Variants in PRKN observed in about 807,000 individuals in gnomAD.
PRKN encodes parkin RBR E3 ubiquitin protein ligase, also known as E3 ubiquitin-protein ligase parkin.
Under a neutral mutation model 59.5 loss-of-function variants are expected in PRKN, and 56 were observed. The ratio of observed to expected loss-of-function variants is 0.94; its 90% CI spans 0.76 to 1.18. The LOEUF (loss-of-function observed/expected upper bound fraction) is 1.18. PRKN is among the 50% of genes most tolerant of loss of function. PRKN has a pLI of 0.00. For missense variants in PRKN, 657 were observed against 596.4 expected, an observed-to-expected ratio of 1.10 and a Z score of -1.06; for synonymous variants, 250 against 222.1, an observed-to-expected ratio of 1.13 and a Z score of -1.12.
At chr6:162,142,720 G>T (rs1252187411) in intron 4 of PRKN, among the ~76,000 whole-genome samples, 2 of 152,128 alleles carry the variant, frequency 1.3e-5, no homozygotes, top group African/African-American at 4.8e-5. Context: ...CTTTAGTGAA[G>T]AAACAGCTAA....
rs1427226369 is a variant in PRKN, at chr6:161,402,133, A to G, written c.1084-15256T>C. Among the ~76,000 whole-genome samples the G allele has an allele frequency of 1.3e-5, 2 of 152,062 alleles. No homozygotes were observed. The highest frequency in any genetic ancestry group is 2.1e-4 in the South Asian group (1 of 4,798). On this transcript the variant is annotated intron_variant, in intron 9 of 11. Transcript: ENST00000366898. The surrounding 1 kb of genome is among the most constrained non-coding windows in gnomAD (Gnocchi z 4.5). ...GTCTCAGTGGCAGGCCAGGCTCTAA[A>G]GGCTCCTCTGGATGCCTGTTGGCCA...
chr6:162,665,767 C>A (rs1466593904), intron 1 of PRKN, among the ~76,000 whole-genome samples: 4 of 152,132 alleles, frequency 2.6e-5, no homozygotes, highest in African/African-American at 9.7e-5. Flanking sequence ...ATCATGCTAC[C>A]TGACTTCAAA....
chr6:162,270,252 A>G (rs1780314109), intron 2 of PRKN: 1 of 152,214 alleles, frequency 6.6e-6, no homozygotes, highest in African/African-American at 2.4e-5. Context: ...TTCTAAGTGA[A>G]GTAACTCAGG....
intron 2 of PRKN, among the ~76,000 whole-genome samples, chr6:162,334,375 C>G (rs1312843747): frequency 6.6e-6 from 1 of 152,176 alleles, no homozygotes; most frequent in African/African-American, 2.4e-5. Flanking sequence ...GCAAATGCAG[C>G]TGGTTTAAAG....
intron 6 of PRKN, among the ~76,000 whole-genome samples, chr6:161,811,959 AT>A (rs1252821931): frequency 1.3e-5 from 2 of 151,992 alleles, no homozygotes; most frequent in African/African-American, 2.4e-5. Context: ...TTAAAAAAAA[AT>A]CTAGAAGGAA....
chr6:161,437,817 A>G (rs1788997803), intron 9 of PRKN, among the ~76,000 whole-genome samples: 1 of 152,246 alleles, frequency 6.6e-6, no homozygotes, highest in Admixed American at 6.5e-5. Context: ...AAATAAGCAT[A>G]ACGTAGTCAA....
At chr6:162,533,003 A>T (rs540475879) in intron 1 of PRKN, among the ~76,000 whole-genome samples, 1 of 152,276 alleles carries the variant, frequency 6.6e-6, no homozygotes, top group East Asian at 1.9e-4. Flanking sequence ...CCTAAACTAC[A>T]TCTTCTGGCC....
intron 6 of PRKN, among the ~76,000 whole-genome samples, chr6:161,892,537 G>A (rs556274888): frequency 1.7e-4 from 26 of 152,038 alleles, no homozygotes; most frequent in Non-Finnish European, 3.5e-4. Flanking sequence ...CCCTAAACAT[G>A]AGGCTTTGAG....
intron 9 of PRKN, among the ~76,000 whole-genome samples, chr6:161,540,453 G>T (rs557700718): frequency 2.6e-5 from 4 of 152,168 alleles, no homozygotes; most frequent in East Asian, 1.9e-4. Context: ...GAAAGAAAAA[G>T]ATTTTACTGT....
At chr6:161,555,815 A>C (rs1780216827) in intron 8 of PRKN, among the ~76,000 whole-genome samples, 1 of 152,348 alleles carries the variant, frequency 6.6e-6, no homozygotes, top group East Asian at 1.9e-4. Flanking sequence ...GTAAATAATT[A>C]TAAATTAATA....
chr6:162,450,518 CA>C (rs1249821390), intron 1 of PRKN, among the ~76,000 whole-genome samples: 1 of 151,914 alleles, frequency 6.6e-6, no homozygotes, highest in East Asian at 1.9e-4. Flanking sequence ...GCCAGGTGAT[CA>C]AGGTCAACAT....
chr6:162,200,402 C>T (rs994262070), intron 4 of PRKN, among the ~76,000 whole-genome samples: 1 of 152,162 alleles, frequency 6.6e-6, no homozygotes, highest in Non-Finnish European at 1.5e-5. Context: ...CTACTCCACT[C>T]TGCACTTAAA....
intron 4 of PRKN, among the ~76,000 whole-genome samples, chr6:162,071,641 G>GATA (rs1778579224): frequency 6.6e-6 from 1 of 151,344 alleles, no homozygotes; most frequent in East Asian, 2.0e-4. Context: ...CTGTAGCCCA[G>GATA]GCTGGAGTGC....
intron 1 of PRKN, among the ~76,000 whole-genome samples, chr6:162,489,684 G>A (rs944687285): frequency 1.4e-4 from 22 of 152,110 alleles, no homozygotes; most frequent in African/African-American, 4.8e-4. Context: ...CCACCCCCTG[G>A]TCACTATCAA....
intron 2 of PRKN, among the ~76,000 whole-genome samples, chr6:162,441,396 C>T (rs9456779): frequency 5.4e-4 from 83 of 152,302 alleles, no homozygotes; most frequent in African/African-American, 2.0e-3. Flanking sequence ...TCTCTATGCT[C>T]ATTCCCCTAT....
chr6:161,757,833 A>ATCTCTCTCCCTCTCTCTCTCTCTCTCTC (rs1554301288), intron 7 of PRKN, among the ~76,000 whole-genome samples: 18 of 37,622 alleles, frequency 4.8e-4, no homozygotes, highest in African/African-American at 1.2e-3. Flanking sequence ...GCAAAACTCC[A>ATCTCTCTCCCTCTCTCTCTCTCTCTCTC]TCTCTCTCTC....
At chr6:161,872,625 T>C (rs145709102) in intron 6 of PRKN, among the ~76,000 whole-genome samples, 11 of 150,604 alleles carry the variant, frequency 7.3e-5, no homozygotes, top group African/African-American at 2.2e-4. Flanking sequence ...GCTTAATCCA[T>C]GGTCCCTCAT....
intron 7 of PRKN, among the ~76,000 whole-genome samples, chr6:161,692,198 C>T (rs192310939): frequency 3.9e-5 from 6 of 152,128 alleles, no homozygotes; most frequent in Non-Finnish European, 7.4e-5. Flanking sequence ...GGGAGCGCTA[C>T]TTTAAGATGG....
intron 6 of PRKN, among the ~76,000 whole-genome samples, chr6:161,796,154 T>A (rs1450274910): frequency 6.6e-6 from 1 of 152,176 alleles, no homozygotes; most frequent in Non-Finnish European, 1.5e-5. Flanking sequence ...ATGGAATTAA[T>A]GTATTATTAA....
Sources: gnomAD v4.1 joint callset for allele counts (sites outside exome capture counted in the v4.1 genomes callset) on GRCh38, gnomAD v4.1.1 for gene constraint, Gnocchi (gnomAD v3.1) non-coding constraint, MANE v1.5 for transcripts, NCBI Gene and HGNC (gene_info 2026-07-23, HGNC 2026-07-21) for gene names.